UNC5D: variants seen among roughly 807,000 people sequenced by gnomAD.
The protein encoded by UNC5D is netrin receptor UNC5D.
A neutral mutation model predicts 105.4 loss-of-function variants in UNC5D; 39 were observed. The observed-to-expected ratio is 0.37, with a 90% CI of 0.29 to 0.48. UNC5D has a LOEUF of 0.48. Ranked by LOEUF, UNC5D falls within the 20% of genes least tolerant of loss-of-function variation. The pLI is 0.98. For missense variants in UNC5D, 991 were observed against 1,202.4 expected, an observed-to-expected ratio of 0.82 and a Z score of 2.60; for synonymous variants, 452 against 450.4, an observed-to-expected ratio of 1.00 and a Z score of -0.04.
chr8:35,424,316 C>T (rs1806107010), intron 1 of UNC5D, among the ~76,000 whole-genome samples: 1 of 152,142 alleles, frequency 6.6e-6, no homozygotes, highest in Non-Finnish European at 1.5e-5. Flanking sequence ...ATATATTTAA[C>T]ATATATGCAA....
intron 4 of UNC5D, among the ~76,000 whole-genome samples, chr8:35,665,592 T>C (rs28660087): frequency 0.19 from 29,142 of 151,468 alleles, 6,523 homozygotes; most frequent in African/African-American, 0.55. Flanking sequence ...CTTCCAGTTT[T>C]ATTTTCAACC....
intron 1 of UNC5D, among the ~76,000 whole-genome samples, chr8:35,417,700 T>C (rs1411212428): frequency 1.3e-5 from 2 of 152,204 alleles, no homozygotes; most frequent in Non-Finnish European, 2.9e-5. Context: ...TTTCATTTGC[T>C]TATTTATTAT....
At chr8:35,626,365 G>C (rs1821700321) in intron 4 of UNC5D, among the ~76,000 whole-genome samples, 1 of 152,080 alleles carries the variant, frequency 6.6e-6, no homozygotes, top group Non-Finnish European at 1.5e-5. Context: ...ATATGACTTA[G>C]TTTCATATTG....
rs781696554 is a variant in UNC5D, at chr8:35,549,396, C to A, written c.208C>A (p.Pro70Thr). Residue 70 changes from proline (P) to threonine (T), a missense_variant, in exon 2 of 17, where the codon CCT (proline) becomes ACT (threonine). Pro to Thr is a conservative substitution (Grantham distance 38, BLOSUM62 -1). Coordinates refer to ENST00000404895, the MANE Select transcript of UNC5D (RefSeq NM_080872.4). ...PDDAYIIKSN[P>T]IALRCKARPA... ...TGATGCTTATATTATCAAGAGCAAC[C>A]CTATTGCACTCAGGTGCAAAGCGAG... The A allele has an allele frequency of 6.2e-7, 1 of 1,613,480 alleles. No homozygotes were observed. Among genetic ancestry groups the A allele is most frequent in the Admixed American group, 1.7e-5 (1 of 60,014 alleles).
chr8:35,686,616 G>A lies in UNC5D; in HGVS notation c.991G>A (p.Glu331Lys), dbSNP rs1419206963. The change falls in exon 7 of 17, where the codon GAG becomes AAG. Residue 331 changes from glutamate to lysine, a missense_variant. Transcript: ENST00000404895. The stretch of plus-strand genomic sequence containing the variant: ...AGAGTGTGAACATTTGCGGATCCGG[G>A]AGTGCACAGCACCACCCCCGAGAAA... ...SPECEHLRIR[E>K]CTAPPPRNGG... The A allele has an allele frequency of 6.2e-7, 1 of 1,608,766 alleles. No homozygotes were observed. The highest frequency in any genetic ancestry group is 1.1e-5 in the South Asian group (1 of 90,522).
At chr8:35,356,450 C>T (rs895882552) in intron 1 of UNC5D, among the ~76,000 whole-genome samples, 3 of 152,080 alleles carry the variant, frequency 2.0e-5, no homozygotes, top group African/African-American at 4.8e-5. Context: ...TCATGACTTC[C>T]ACTGACTAAT....
chr8:35,705,067 C>A (rs1422609054), intron 7 of UNC5D, among the ~76,000 whole-genome samples: 2 of 150,688 alleles, frequency 1.3e-5, no homozygotes, highest in Non-Finnish European at 2.9e-5. Flanking sequence ...GGGTTTCAAG[C>A]CATTCTCCTG....
chr8:35,371,244 A>G (rs1000940908), intron 1 of UNC5D, among the ~76,000 whole-genome samples: 7 of 152,124 alleles, frequency 4.6e-5, no homozygotes, highest in African/African-American at 1.7e-4. Flanking sequence ...ACAGCATTTT[A>G]GATATGTTCT....
intron 2 of UNC5D, among the ~76,000 whole-genome samples, chr8:35,552,823 T>A (rs1816265100): frequency 6.6e-6 from 1 of 152,034 alleles, no homozygotes; most frequent in Non-Finnish European, 1.5e-5. Context: ...CTCACTTACG[T>A]TGACATTAAA....
intron 4 of UNC5D, among the ~76,000 whole-genome samples, chr8:35,676,635 C>T (rs1186154154): frequency 6.6e-6 from 1 of 152,162 alleles, no homozygotes; most frequent in Non-Finnish European, 1.5e-5. Flanking sequence ...TACATGCAAA[C>T]CCTTATCATA....
intron 16 of UNC5D, among the ~76,000 whole-genome samples, chr8:35,782,278 A>T (rs1284706956): frequency 6.6e-6 from 1 of 152,150 alleles, no homozygotes; most frequent in Non-Finnish European, 1.5e-5. Flanking sequence ...TTCTATTTGC[A>T]TTTAAAGAAG....
At chr8:35,776,254 A>C (rs1802240539) in intron 16 of UNC5D, among the ~76,000 whole-genome samples, 1 of 152,200 alleles carries the variant, frequency 6.6e-6, no homozygotes, top group African/African-American at 2.4e-5. Context: ...AACTATATTA[A>C]GTCTAATTCA....
intron 4 of UNC5D, among the ~76,000 whole-genome samples, chr8:35,626,442 A>G (rs991949220): frequency 6.6e-6 from 1 of 152,208 alleles, no homozygotes; most frequent in Non-Finnish European, 1.5e-5. Flanking sequence ...AGCTATATGC[A>G]TATATGAGAT....
chr8:35,545,035 C>T (rs1209980163), intron 1 of UNC5D, among the ~76,000 whole-genome samples: 2 of 152,196 alleles, frequency 1.3e-5, no homozygotes, highest in Admixed American at 1.3e-4. Flanking sequence ...TTTCCAGCCT[C>T]TGCTGTGAAT....
intron 4 of UNC5D, among the ~76,000 whole-genome samples, chr8:35,636,756 A>G (rs1447983146): frequency 6.6e-6 from 1 of 152,158 alleles, no homozygotes; most frequent in Non-Finnish European, 1.5e-5. Context: ...AGGTTGTTGT[A>G]TATCCTGCCC....
chr8:35,258,663 C>G (rs1172449492), intron 1 of UNC5D, among the ~76,000 whole-genome samples: 1 of 152,018 alleles, frequency 6.6e-6, no homozygotes, highest in Non-Finnish European at 1.5e-5. Context: ...AATACTACTG[C>G]TGCTGCTGTA....
chr8:35,601,126 G>T (rs918003465), intron 4 of UNC5D, among the ~76,000 whole-genome samples: 2 of 151,938 alleles, frequency 1.3e-5, no homozygotes, highest in African/African-American at 2.4e-5. Context: ...GCGGCATTAT[G>T]TCTGAGGGCT....
At chr8:35,470,729 A>G (rs544964098) in intron 1 of UNC5D, among the ~76,000 whole-genome samples, 8 of 151,624 alleles carry the variant, frequency 5.3e-5, no homozygotes, top group Non-Finnish European at 1.2e-4. Flanking sequence ...AGATCACACC[A>G]CTGCACTCCA....
intron 3 of UNC5D, among the ~76,000 whole-genome samples, chr8:35,589,716 C>G (rs1819036026): frequency 6.6e-6 from 1 of 152,174 alleles, no homozygotes; most frequent in African/African-American, 2.4e-5. Flanking sequence ...ATGGATTTAC[C>G]TCTTCTGTAT....
Sources: allele counts gnomAD v4.1 joint callset (sites outside exome capture counted in the v4.1 genomes callset), GRCh38; gene constraint gnomAD v4.1.1; transcripts MANE v1.5; gene names NCBI Gene and HGNC (gene_info 2026-07-23, HGNC 2026-07-21).